The following ADAMTS17 variants were observed in gnomAD, a reference collection of about 807,000 sequenced individuals.
ADAMTS17 encodes ADAM metallopeptidase with thrombospondin type 1 motif 17, also known as A disintegrin and metalloproteinase with thrombospondin motifs 17.
Under a neutral mutation model 141.5 loss-of-function variants are expected in ADAMTS17, and 113 were observed. That is an observed-to-expected ratio of 0.80 (90% confidence interval 0.69 to 0.93). The LOEUF (loss-of-function observed/expected upper bound fraction) is 0.93. Ranked by LOEUF, ADAMTS17 falls within the 40% of genes least tolerant of loss-of-function variation. The pLI, the probability that ADAMTS17 is intolerant of heterozygous loss-of-function variation, is 0.00. For synonymous variants in ADAMTS17, 768 were observed against 630.6 expected, an observed-to-expected ratio of 1.22 and a Z score of -3.27; for missense variants, 1,659 against 1,517.9, an observed-to-expected ratio of 1.09 and a Z score of -1.54.
chr15:100,140,488 CAT>C (rs60035034), intron 10 of ADAMTS17, among the ~76,000 whole-genome samples: 60,690 of 125,170 alleles, frequency 0.48, 15,251 homozygotes, highest in East Asian at 0.54. Flanking sequence ...CACATACATA[CAT>C]ATATATATAT....
At position 100,175,590 on chromosome 15, in the gene ADAMTS17, A is replaced by C. The variant is rs536511828; in HGVS notation, c.1182-20270T>G. On this transcript the variant is annotated intron_variant, in intron 8 of 21. Transcript: ENST00000268070. ...AGGAATGCACCCCAGGGCGTGATGG[A>C]GACTCTGACCTCAGAGGTGAATTTA... 2.1e-4 allele frequency among the ~76,000 whole-genome samples: 32 copies of C among 152,238 alleles called. 1 individual carries two copies. The South Asian group carries it at 6.4e-3, about 31-fold the overall frequency.
intron 10 of ADAMTS17, among the ~76,000 whole-genome samples, chr15:100,147,583 T>A (rs2038969178): frequency 6.6e-6 from 1 of 152,118 alleles, no homozygotes; most frequent in Non-Finnish European, 1.5e-5. Flanking sequence ...TATAAAAGGT[T>A]AAAAATGGTA....
chr15:100,105,724 G>C (rs2036376689), intron 14 of ADAMTS17, among the ~76,000 whole-genome samples: 1 of 152,228 alleles, frequency 6.6e-6, no homozygotes, highest in Admixed American at 6.5e-5. Flanking sequence ...GTCTTACTCT[G>C]TCGCCCAGGC....
Position 99,997,098 on chromosome 15 carries a change from T to C in ADAMTS17, c.2796+287A>G, listed in dbSNP as rs987604156. 6.6e-6 allele frequency among the ~76,000 whole-genome samples: 1 copy of C among 152,230 alleles called. No homozygotes were observed. Among genetic ancestry groups the C allele is most frequent in the African/African-American group, 2.4e-5 (1 of 41,466 alleles). On this transcript the variant is annotated intron_variant, in intron 19 of 21. Coordinates refer to ENST00000268070, the MANE Select transcript of ADAMTS17 (RefSeq NM_139057.4). The surrounding 1 kb of genome is among the most constrained non-coding windows in gnomAD (Gnocchi z 4.7). ...ATACACCCAAAGGAGAATTAAAAAGTCGGTCAGTATCTGTCTATCCTATCT... is the reference window on the plus strand; with the variant it reads ...ATACACCCAAAGGAGAATTAAAAAGCCGGTCAGTATCTGTCTATCCTATCT...
chr15:100,162,008 T>C (rs995871585), intron 8 of ADAMTS17, among the ~76,000 whole-genome samples: 2 of 152,198 alleles, frequency 1.3e-5, no homozygotes, highest in African/African-American at 4.8e-5. Flanking sequence ...CAAATGCACA[T>C]AGTACCATGT....
chr15:100,074,053 AAT>A (rs2141753997), intron 15 of ADAMTS17: 1 of 152,748 alleles, frequency 6.5e-6, no homozygotes, highest in African/African-American at 2.4e-5. Context: ...CTACCACAGT[AAT>A]AGTTTTACTC....
intron 18 of ADAMTS17, among the ~76,000 whole-genome samples, chr15:100,000,887 A>G (rs1351649769): frequency 6.6e-6 from 1 of 152,240 alleles, no homozygotes; most frequent in Admixed American, 6.5e-5. Flanking sequence ...TAAAGGAGAC[A>G]TCTTTAAAAT....
chr15:100,022,085 G>A (rs1477184728), intron 18 of ADAMTS17, among the ~76,000 whole-genome samples: 1 of 152,126 alleles, frequency 6.6e-6, no homozygotes, highest in Non-Finnish European at 1.5e-5. Flanking sequence ...TGTTGACCTT[G>A]GCTACTAAAC....
At chr15:100,332,787 A>G (rs924453834) in intron 2 of ADAMTS17, among the ~76,000 whole-genome samples, 1 of 152,234 alleles carries the variant, frequency 6.6e-6, no homozygotes, top group Non-Finnish European at 1.5e-5. Flanking sequence ...CTTAAGGAAG[A>G]AAACAGCAAT....
At chr15:100,292,920 C>G (rs1406451646) in intron 3 of ADAMTS17, among the ~76,000 whole-genome samples, 2 of 152,220 alleles carry the variant, frequency 1.3e-5, no homozygotes, top group Admixed American at 1.3e-4. Context: ...ACACCAACTT[C>G]CCAAATAAAA....
intron 18 of ADAMTS17, among the ~76,000 whole-genome samples, chr15:100,019,573 G>A (rs576137327): frequency 9.2e-5 from 14 of 152,142 alleles, no homozygotes; most frequent in African/African-American, 1.9e-4. Flanking sequence ...TGTGCTACCC[G>A]GTGTATGACC....
chr15:100,081,835 T>A (rs903195899), intron 15 of ADAMTS17, among the ~76,000 whole-genome samples: 1 of 152,242 alleles, frequency 6.6e-6, no homozygotes, highest in African/African-American at 2.4e-5. Context: ...CAGCGTCCTA[T>A]ACACTTATTG....
At chr15:100,204,519 C>G (rs545419653) in intron 7 of ADAMTS17, among the ~76,000 whole-genome samples, 15 of 152,308 alleles carry the variant, frequency 9.8e-5, no homozygotes, top group Non-Finnish European at 2.1e-4. Context: ...ATCTGAATGG[C>G]TGAACAGCAT....
Position 100,152,616 on chromosome 15 carries a change from A to G in ADAMTS17, c.1469T>C (p.Met490Thr). ...FGMNATFCRN[M>T]EHLMCAGLWC... Reference sequence around the variant, plus strand: ...AGCCCTCCCACGGCTGCTTACCTCCATGTTTCTGCAGAAGGTGGCATTCAT... The same window carrying G: ...AGCCCTCCCACGGCTGCTTACCTCCGTGTTTCTGCAGAAGGTGGCATTCAT... The change falls in exon 10 of 22, where the codon ATG (methionine) becomes ACG (threonine). Residue 490 changes from methionine (M) to threonine (T), a missense_variant. Physicochemically the swap from Met to Thr is moderately conservative, Grantham distance 81. Transcript: ENST00000268070. 2 of 1,613,740 alleles carry G rather than the reference A, an allele frequency of 1.2e-6. No individual in the cohort carries two copies. The highest frequency in any genetic ancestry group is 2.7e-5 in the African/African-American group (2 of 75,004).
chr15:100,024,606 C>G (rs577110447), intron 18 of ADAMTS17, among the ~76,000 whole-genome samples: 1 of 152,318 alleles, frequency 6.6e-6, no homozygotes, highest in Non-Finnish European at 1.5e-5. Context: ...CCCGGCCATG[C>G]CTGACCCACT....
At chr15:100,203,472 C>G (rs565119670) in intron 7 of ADAMTS17, among the ~76,000 whole-genome samples, 14 of 152,082 alleles carry the variant, frequency 9.2e-5, no homozygotes, top group African/African-American at 2.9e-4. Flanking sequence ...TTTGGGAGAC[C>G]GAGCAGGCGG....
chr15:100,180,077 G>T (rs1482002343), intron 8 of ADAMTS17, among the ~76,000 whole-genome samples: 1 of 152,090 alleles, frequency 6.6e-6, no homozygotes, highest in Non-Finnish European at 1.5e-5. Context: ...GTTCCTGTGG[G>T]GTATCACTCA....
chr15:100,195,791 A>C (rs574809969), intron 8 of ADAMTS17, among the ~76,000 whole-genome samples: 1 of 152,292 alleles, frequency 6.6e-6, no homozygotes, highest in East Asian at 1.9e-4. Flanking sequence ...AACTGAAAGT[A>C]CCTTGGTTTT....
intron 7 of ADAMTS17, among the ~76,000 whole-genome samples, chr15:100,212,664 C>T (rs768881995): frequency 1.3e-5 from 2 of 152,094 alleles, no homozygotes; most frequent in African/African-American, 2.4e-5. Context: ...TATCCTCCAG[C>T]CCTTAGGGGT....
Sources: allele counts gnomAD v4.1 joint callset (sites outside exome capture counted in the v4.1 genomes callset), GRCh38; gene constraint gnomAD v4.1.1; non-coding constraint Gnocchi (gnomAD v3.1); transcripts MANE v1.5; gene names NCBI Gene and HGNC (gene_info 2026-07-23, HGNC 2026-07-21).